Variants in ANAPC5 observed in about 807,000 individuals in gnomAD.
The protein encoded by ANAPC5 is anaphase-promoting complex subunit 5.
A neutral mutation model predicts 91.3 loss-of-function variants in ANAPC5; 60 were observed. The observed-to-expected ratio is 0.66, with a 90% CI of 0.53 to 0.81. The LOEUF (loss-of-function observed/expected upper bound fraction) is 0.81, where lower values mean the gene tolerates loss of function less well. ANAPC5 is among the 40% of genes least tolerant of loss of function. The probability of loss-of-function intolerance (pLI) is 0.00; values close to 1 mark genes in which losing one functional copy is unlikely to be tolerated. For missense variants in ANAPC5, 690 were observed against 931.5 expected (o/e 0.74, Z 3.37); for synonymous variants, 340 against 364.1 (o/e 0.93, Z 0.75).
Position 121,319,686 on chromosome 12 carries a change from A to G in ANAPC5, c.1637+11T>C. On this transcript the variant is annotated intron_variant, in intron 13 of 16. Transcript: ENST00000261819. ...TTTTATTCTGGGGTTAGAGTTTTCA[A>G]GGTTTCTTACCTATAAACACCCTCT... The G allele has an allele frequency of 6.3e-7, 1 of 1,598,520 alleles. No individual in the cohort carries two copies. The highest frequency in any genetic ancestry group is 8.5e-7 in the Non-Finnish European group (1 of 1,175,642).
intron 15 of ANAPC5, among the ~76,000 whole-genome samples, chr12:121,315,482 A>G (rs747715404): frequency 2.9e-5 from 4 of 138,786 alleles, no homozygotes; most frequent in African/African-American, 3.4e-5. Context: ...AATAGCCAAA[A>G]CAATCCTGAA....
At chr12:121,341,419 G>A (rs959507345) in intron 5 of ANAPC5, among the ~76,000 whole-genome samples, 6 of 152,098 alleles carry the variant, frequency 3.9e-5, no homozygotes, top group South Asian at 2.1e-4. Flanking sequence ...GCAGGGACCC[G>A]AGATCATGCC....
chr12:121,335,841 G>T (rs923675629), intron 6 of ANAPC5, 118 bp from the exon 7 acceptor site: 2 of 810,098 alleles, frequency 2.5e-6, no homozygotes, highest in Non-Finnish European at 3.6e-6. Context: ...CTAATAAGAT[G>T]GTCATAGTTT....
intron 11 of ANAPC5, among the ~76,000 whole-genome samples, chr12:121,325,398 G>A (rs1413357197): frequency 3.3e-5 from 5 of 151,932 alleles, no homozygotes; most frequent in African/African-American, 1.2e-4. Flanking sequence ...AGGAGGCAGA[G>A]GTTGCAGTGA....
chr12:121,318,439 G>C lies in ANAPC5; in HGVS notation c.1746-15C>G. 6.2e-7 allele frequency: 1 copy of C among 1,611,018 alleles called. No homozygotes were observed. Among genetic ancestry groups the C allele is most frequent in the Non-Finnish European group, 8.5e-7 (1 of 1,177,964 alleles). ...ACAGTAGGACACTGACCGTAAAGAG[G>C]AAAACACAGGATGAGAAGATCCACC... On this transcript the variant is annotated splice_polypyrimidine_tract_variant and intron_variant, in intron 14 of 16. Transcript: ENST00000261819.
chr12:121,348,773 G>T (rs1903770078), intron 1 of ANAPC5, among the ~76,000 whole-genome samples: 1 of 152,184 alleles, frequency 6.6e-6, no homozygotes, highest in Admixed American at 6.5e-5. Context: ...CTTTTTCAGA[G>T]AATAAGATGA....
intron 10 of ANAPC5, chr12:121,327,948 AG>A (rs1902884830): frequency 5.4e-6 from 1 of 185,810 alleles, no homozygotes; most frequent in African/African-American, 2.4e-5. Flanking sequence ...TTCCTGTCAC[AG>A]AGCAGAGGAG....
intron 8 of ANAPC5, 38 bp downstream of exon 8, chr12:121,331,309 C>A: frequency 6.5e-7 from 1 of 1,549,518 alleles, no homozygotes; most frequent in Non-Finnish European, 8.9e-7. Context: ...CCAATTCAAC[C>A]CGTGAACAAA....
chr12:121,309,653 A>C, intron 16 of ANAPC5, 48 bp downstream of exon 16: 2 of 1,549,976 alleles, frequency 1.3e-6, no homozygotes, highest in Non-Finnish European at 1.7e-6. Flanking sequence ...TAAACTTTCA[A>C]TGCTTTCTGG....
intron 11 of ANAPC5, chr12:121,326,560 A>G (rs1168025356): frequency 6.6e-6 from 1 of 152,218 alleles, no homozygotes; most frequent in East Asian, 1.9e-4. Context: ...TTTGGAGTCA[A>G]CCAGGTTTCG....
chr12:121,348,417 C>T (rs1332616069), intron 1 of ANAPC5, among the ~76,000 whole-genome samples: 1 of 152,162 alleles, frequency 6.6e-6, no homozygotes, highest in African/African-American at 2.4e-5. Context: ...ATAATCCCAA[C>T]ATTTTGGGAG....
intron 1 of ANAPC5, among the ~76,000 whole-genome samples, chr12:121,350,192 A>C (rs1274392218): frequency 9.9e-5 from 15 of 152,144 alleles, no homozygotes; most frequent in African/African-American, 3.6e-4. Flanking sequence ...ACCCACAAAT[A>C]CAAGTGATAA....
chr12:121,352,713 T>TGGTGGTGGTGGTGGTGGTGGTGGTG (rs1555275614), upstream of ANAPC5, among the ~76,000 whole-genome samples: 1 of 132,352 alleles, frequency 7.6e-6, no homozygotes, highest in Admixed American at 8.1e-5. Context: ...TGTTGGTTGT[T>TGGTGGTGGTGGTGGTGGTGGTGGTG]GTTGTTGGTG....
chr12:121,309,012 G>A (rs1005913165), intron 16 of ANAPC5, among the ~76,000 whole-genome samples: 4 of 152,056 alleles, frequency 2.6e-5, no homozygotes, highest in Admixed American at 2.0e-4. Flanking sequence ...AGCCAGGTGT[G>A]GTGGCAGGCA....
At chr12:121,309,260 C>T (rs1050314585) in intron 16 of ANAPC5, among the ~76,000 whole-genome samples, 1 of 150,774 alleles carries the variant, frequency 6.6e-6, no homozygotes, top group African/African-American at 2.4e-5. Context: ...ATCAGCCTGA[C>T]CAACATGGAG....
At chr12:121,327,888 T>C (rs531357714) in intron 10 of ANAPC5, 150 of 160,700 alleles carry the variant, frequency 9.3e-4, no homozygotes, top group Non-Finnish European at 9.1e-4. Context: ...GGGGTTCAGG[T>C]GACACTCAAC....
At chr12:121,322,692 G>A (rs1440164935) in intron 11 of ANAPC5, among the ~76,000 whole-genome samples, 3 of 152,080 alleles carry the variant, frequency 2.0e-5, no homozygotes, top group African/African-American at 7.2e-5. Flanking sequence ...GGTGCATAGA[G>A]CTTTGCATAC....
upstream of ANAPC5, chr12:121,352,599 G>T: frequency 2.2e-6 from 1 of 446,726 alleles, no homozygotes; most frequent in South Asian, 3.9e-5. Context: ...TGCCGAGTGG[G>T]AGCAGGTTCC....
intron 15 of ANAPC5, among the ~76,000 whole-genome samples, chr12:121,316,993 G>T (rs530140760): frequency 2.0e-5 from 3 of 152,050 alleles, no homozygotes; most frequent in Non-Finnish European, 2.9e-5. Flanking sequence ...ATCAAAAAAG[G>T]CCACATTTAT....
Sources: gnomAD v4.1 joint callset for allele counts (sites outside exome capture counted in the v4.1 genomes callset) on GRCh38, gnomAD v4.1.1 for gene constraint, MANE v1.5 for transcripts, NCBI Gene and HGNC (gene_info 2026-07-23, HGNC 2026-07-21) for gene names.